Variants in DPP6 observed in about 807,000 individuals in gnomAD.
DPP6 encodes the protein dipeptidyl peptidase like 6, also known as A-type potassium channel modulatory protein DPP6.
DPP6 carries 69 observed loss-of-function variants against 122.6 expected under a neutral mutation model. That is an observed-to-expected ratio of 0.56 (90% confidence interval 0.46 to 0.69). The LOEUF (loss-of-function observed/expected upper bound fraction) is 0.69, where lower values mean the gene tolerates loss of function less well. Among genes scored for constraint, DPP6 ranks in the 30% least tolerant of loss-of-function variants. The pLI, the probability that DPP6 is intolerant of heterozygous loss-of-function variation, is 0.00. For synonymous variants in DPP6, 418 were observed against 433.1 expected, an observed-to-expected ratio of 0.97 and a Z score of 0.43; for missense variants, 928 against 1,116.9, an observed-to-expected ratio of 0.83 and a Z score of 2.41.
intron 10 of DPP6, among the ~76,000 whole-genome samples, chr7:154,782,613 G>T (rs532553396): frequency 6.6e-6 from 1 of 151,830 alleles, no homozygotes; most frequent in African/African-American, 2.4e-5. Flanking sequence ...TCATGTGGTC[G>T]CCCACTGCCA....
intron 1 of DPP6, among the ~76,000 whole-genome samples, chr7:154,121,777 C>G (rs1431529009): frequency 6.6e-6 from 1 of 152,194 alleles, no homozygotes; most frequent in African/African-American, 2.4e-5. Context: ...GTCTAATAAT[C>G]CCTAATATAC....
At chr7:154,189,058 T>TC (rs1216046021) in intron 1 of DPP6, among the ~76,000 whole-genome samples, 2 of 152,188 alleles carry the variant, frequency 1.3e-5, no homozygotes, top group East Asian at 3.9e-4. Context: ...AGACTAGTTG[T>TC]CTATAGGTCT....
chr7:154,414,885 G>C (rs1480969635), intron 1 of DPP6, among the ~76,000 whole-genome samples: 70 of 152,200 alleles, frequency 4.6e-4, no homozygotes, highest in Admixed American at 4.6e-3. Flanking sequence ...TGGTGGCTTT[G>C]GTAATCCAGC....
intron 1 of DPP6, among the ~76,000 whole-genome samples, chr7:153,938,305 A>G (rs1402647502): frequency 1.3e-5 from 2 of 152,162 alleles, no homozygotes; most frequent in Non-Finnish European, 2.9e-5. Context: ...CCCATTTTAG[A>G]TGGAAGTCCT....
In DPP6 at chr7:154,053,018, G is replaced by A; in HGVS notation, c.198G>A (p.Arg66=). The A allele has an allele frequency of 9.4e-7, 1 of 1,059,368 alleles. No homozygotes were observed. Among genetic ancestry groups the A allele is most frequent in the Non-Finnish European group, 1.1e-6 (1 of 877,348 alleles). 65.6% of individuals were successfully genotyped at this position (1,059,368 alleles called of 1,614,324 possible). The change falls in exon 1 of 26, where the codon CGG becomes CGA. Residue 66 remains arginine (R), a synonymous_variant. Coordinates refer to ENST00000377770, the MANE Select transcript of DPP6 (RefSeq NM_130797.4). ...GCGGCGGCGGCGGCGCGGGTGGCCG[G>A]CCCCGGTTCCAGTACCAGGCGCGGA... is the stretch of plus-strand genomic sequence containing the variant. ...RGGGGGGAGG[R]PRFQYQARSD...
intron 1 of DPP6, among the ~76,000 whole-genome samples, chr7:154,408,627 A>G (rs1292280729): frequency 1.3e-5 from 2 of 152,190 alleles, no homozygotes; most frequent in Non-Finnish European, 2.9e-5. Flanking sequence ...TAACTCAACT[A>G]TAGACTTTCT....
At chr7:154,827,390 G>A (rs533262981) in intron 16 of DPP6, among the ~76,000 whole-genome samples, 208 of 151,768 alleles carry the variant, frequency 1.4e-3, no homozygotes, top group African/African-American at 4.7e-3. Context: ...CTTTAGCTGG[G>A]TGAAGACAGG....
rs73481380 is a variant in DPP6, at chr7:154,130,301, C to G, written c.243+77238C>G. Reference sequence around the variant, plus strand: ...GTCGTTGCCACTGAAAAATGGGTCTCGATGGGACTTTGAAAAAAACAGACC... The same window carrying G: ...GTCGTTGCCACTGAAAAATGGGTCTGGATGGGACTTTGAAAAAAACAGACC... On this transcript the variant is annotated intron_variant, in intron 1 of 25. Transcript: ENST00000377770. 2.3e-3 allele frequency among the ~76,000 whole-genome samples: 346 copies of G among 152,068 alleles called. 1 individual carries two copies. The highest frequency in any genetic ancestry group is 8.0e-3 in the African/African-American group (331 of 41,490).
chr7:154,360,849 C>G (rs992742294), intron 1 of DPP6, among the ~76,000 whole-genome samples: 33 of 152,348 alleles, frequency 2.2e-4, no homozygotes, highest in African/African-American at 6.7e-4. Context: ...TCTGGCCCTG[C>G]CTTCTGCTGT....
chr7:154,638,370 G>A (rs1324639139), intron 6 of DPP6, among the ~76,000 whole-genome samples: 5 of 152,164 alleles, frequency 3.3e-5, no homozygotes, highest in Non-Finnish European at 7.4e-5. Context: ...CAGTGCATTG[G>A]GAATGGGTTG....
intron 1 of DPP6, among the ~76,000 whole-genome samples, chr7:154,293,339 T>C (rs1805327917): frequency 6.6e-6 from 1 of 152,194 alleles, no homozygotes; most frequent in Non-Finnish European, 1.5e-5. Context: ...TCAGAAGTGT[T>C]CATCTGTAGC....
chr7:153,994,257 A>G (rs979983991), intron 1 of DPP6, among the ~76,000 whole-genome samples: 3 of 151,732 alleles, frequency 2.0e-5, no homozygotes, highest in African/African-American at 4.9e-5. Context: ...TTAAGAAGGC[A>G]GTTCTCTCAA....
At chr7:154,482,748 T>C (rs181233937) in intron 3 of DPP6, among the ~76,000 whole-genome samples, 27 of 152,332 alleles carry the variant, frequency 1.8e-4, no homozygotes, top group African/African-American at 6.5e-4. Flanking sequence ...ATTGAAAGTT[T>C]AGGCTGTGAC....
intron 3 of DPP6, among the ~76,000 whole-genome samples, chr7:154,535,388 T>A (rs74622537): frequency 5.5e-4 from 29 of 53,054 alleles, no homozygotes; most frequent in Middle Eastern, 9.6e-3. Flanking sequence ...CACTTTAGAT[T>A]TTTTTTTTTT....
chr7:154,840,457 T>A (rs185288747), intron 16 of DPP6, among the ~76,000 whole-genome samples: 2 of 152,292 alleles, frequency 1.3e-5, no homozygotes, highest in East Asian at 3.9e-4. Context: ...TCTGATCAGA[T>A]GTGAAAGCAA....
At chr7:154,190,288 C>T (rs1007759995) in intron 1 of DPP6, among the ~76,000 whole-genome samples, 1 of 152,136 alleles carries the variant, frequency 6.6e-6, no homozygotes, top group African/African-American at 2.4e-5. Flanking sequence ...TGAGTTTGAT[C>T]ATTGCATCTT....
At chr7:154,372,432 G>A (rs1385724046) in intron 1 of DPP6, among the ~76,000 whole-genome samples, 2 of 152,138 alleles carry the variant, frequency 1.3e-5, no homozygotes, top group African/African-American at 2.4e-5. Flanking sequence ...CCAACACGCA[G>A]TGCCTGTGCT....
chr7:154,354,469 CTTCCAA>C (rs1042281375), intron 1 of DPP6, among the ~76,000 whole-genome samples: 19 of 152,178 alleles, frequency 1.2e-4, no homozygotes, highest in African/African-American at 4.3e-4. Flanking sequence ...TAAACTTTCC[CTTCCAA>C]TTCCAAGCTA....
intron 1 of DPP6, among the ~76,000 whole-genome samples, chr7:154,022,383 G>C (rs1563108245): frequency 6.6e-6 from 1 of 152,194 alleles, no homozygotes; most frequent in African/African-American, 2.4e-5. Flanking sequence ...GGGGACACTT[G>C]CATTTGCCTT....
Sources: allele counts gnomAD v4.1 joint callset (sites outside exome capture counted in the v4.1 genomes callset), GRCh38; gene constraint gnomAD v4.1.1; transcripts MANE v1.5; gene names NCBI Gene and HGNC (gene_info 2026-07-23, HGNC 2026-07-21).